RAB3C: variants seen among roughly 807,000 people sequenced by gnomAD.
The protein encoded by RAB3C is ras-related protein Rab-3C.
Under a neutral mutation model 26.4 loss-of-function variants are expected in RAB3C, and 17 were observed. That is an observed-to-expected ratio of 0.64 (90% CI 0.44 to 0.97). RAB3C has a LOEUF of 0.97. Ranked by LOEUF, RAB3C falls within the 50% of genes least tolerant of loss-of-function variation. The probability of loss-of-function intolerance (pLI) is 0.00; values close to 1 mark genes in which losing one functional copy is unlikely to be tolerated. For synonymous variants in RAB3C, 91 were observed against 95.9 expected (o/e 0.95, Z 0.30); for missense variants, 242 against 281.9 (o/e 0.86, Z 1.01).
At position 58,778,512 on chromosome 5, in the gene RAB3C, G is replaced by A. The variant is rs562645098; in HGVS notation, c.372-46526G>A. ...AAAGCTGTGAATCTCAACTAATCCA[G>A]TGCTGCATGAGTTGAAACAGTGGAT... On this transcript the variant is annotated intron_variant, in intron 3 of 4. Transcript: ENST00000282878. Among the ~76,000 whole-genome samples the A allele has an allele frequency of 6.6e-5, 10 of 152,260 alleles. 1 individual carries two copies. In the South Asian group the frequency reaches 2.1e-3, roughly 32 times the overall value.
At chr5:58,845,612 A>ATATATATATATATGTGTGTGTGTG in intron 4 of RAB3C, among the ~76,000 whole-genome samples, 2,376 of 80,538 alleles carry the variant, frequency 0.03, 78 homozygotes, top group Admixed American at 0.048. Flanking sequence ...ATATATATAT[A>ATATATATATATATGTGTGTGTGTG]TGTGTGTGTG....
At chr5:58,706,865 C>A (rs1052762206) in intron 2 of RAB3C, among the ~76,000 whole-genome samples, 3 of 152,130 alleles carry the variant, frequency 2.0e-5, no homozygotes, top group Admixed American at 6.6e-5. Context: ...TCATTTTTAC[C>A]GTTGAGACAA....
At chr5:58,818,572 G>T (rs1308588432) in intron 3 of RAB3C, among the ~76,000 whole-genome samples, 2 of 152,192 alleles carry the variant, frequency 1.3e-5, no homozygotes, top group African/African-American at 2.4e-5. Flanking sequence ...ATCTGGCACT[G>T]GTAAGGTCTG....
intron 3 of RAB3C, among the ~76,000 whole-genome samples, chr5:58,780,497 C>A (rs1742248093): frequency 6.6e-6 from 1 of 152,074 alleles, no homozygotes; most frequent in African/African-American, 2.4e-5. Context: ...GGTCTGGATC[C>A]TTCTTTCTAA....
chr5:58,780,714 T>C (rs1742252372), intron 3 of RAB3C, among the ~76,000 whole-genome samples: 1 of 152,120 alleles, frequency 6.6e-6, no homozygotes, highest in Non-Finnish European at 1.5e-5. Flanking sequence ...GGTGAGCCTA[T>C]GTCTGTTTCA....
intron 3 of RAB3C, among the ~76,000 whole-genome samples, chr5:58,761,650 A>G (rs1443370429): frequency 2.0e-5 from 3 of 152,172 alleles, no homozygotes; most frequent in Non-Finnish European, 2.9e-5. Flanking sequence ...ACACACATGT[A>G]CACACTCACT....
chr5:58,636,738 T>C (rs1747297191), intron 2 of RAB3C, among the ~76,000 whole-genome samples: 1 of 152,164 alleles, frequency 6.6e-6, no homozygotes, highest in Admixed American at 6.5e-5. Context: ...CTTGGAATTG[T>C]CTCCTTTTCG....
At chr5:58,611,261 G>GGGTCTAATGGCATTTCTGTTTTTA (rs141004980) in intron 1 of RAB3C, among the ~76,000 whole-genome samples, 9,614 of 152,040 alleles carry the variant, frequency 0.063, 362 homozygotes, top group East Asian at 0.17. Flanking sequence ...TGAGATCGCT[G>GGGTCTAATGGCATTTCTGTTTTTA]GGTCTAATGG....
At chr5:58,719,304 TTTAAATGTAAG>T in intron 2 of RAB3C, among the ~76,000 whole-genome samples, 1 of 152,204 alleles carries the variant, frequency 6.6e-6, no homozygotes, top group Non-Finnish European at 1.5e-5. Context: ...TTTCATTTAA[TTTAAATGTAAG>T]TTAAATGTAG....
intron 2 of RAB3C, among the ~76,000 whole-genome samples, chr5:58,675,752 T>C (rs758146984): frequency 6.6e-6 from 1 of 152,022 alleles, no homozygotes; most frequent in South Asian, 2.1e-4. Flanking sequence ...AGATTTCTAT[T>C]AAAAATGTTT....
chr5:58,712,586 G>C (rs527672562), intron 2 of RAB3C, among the ~76,000 whole-genome samples: 65 of 152,122 alleles, frequency 4.3e-4, no homozygotes, highest in Non-Finnish European at 6.9e-4. Context: ...GTTCAGTGGA[G>C]CGATCTTGGC....
intron 3 of RAB3C, among the ~76,000 whole-genome samples, chr5:58,734,913 C>T (rs1741102502): frequency 6.6e-6 from 1 of 152,222 alleles, no homozygotes; most frequent in South Asian, 2.1e-4. Context: ...GGCTGTTGTC[C>T]TGCAAGCCTC....
At chr5:58,751,678 G>A (rs1489087893) in intron 3 of RAB3C, among the ~76,000 whole-genome samples, 2 of 152,174 alleles carry the variant, frequency 1.3e-5, no homozygotes, top group Non-Finnish European at 2.9e-5. Context: ...ACTGTTTAGT[G>A]GTAACGACTT....
chr5:58,703,917 A>G (rs921581267), intron 2 of RAB3C, among the ~76,000 whole-genome samples: 2 of 152,232 alleles, frequency 1.3e-5, no homozygotes, highest in African/African-American at 4.8e-5. Context: ...GCTTAACCTC[A>G]GGAGTCTTTA....
At position 58,583,203 on chromosome 5, in the gene RAB3C, C is replaced by A; in HGVS notation, c.-6C>A. The A allele has an allele frequency of 6.2e-7, 1 of 1,614,184 alleles. No individual in the cohort carries two copies. ...CCTAGCCAGAGAGAAAGGACATTTG[C>A]CAACAATGAGACACGAAGCGCCCAT... is the stretch of plus-strand genomic sequence containing the variant. On this transcript the variant is annotated 5_prime_UTR_variant, in exon 1 of 5. Coordinates refer to ENST00000282878, the MANE Select transcript of RAB3C (RefSeq NM_138453.4).
At chr5:58,832,214 G>A (rs910526050) in intron 4 of RAB3C, among the ~76,000 whole-genome samples, 1 of 152,166 alleles carries the variant, frequency 6.6e-6, no homozygotes, top group Non-Finnish European at 1.5e-5. Flanking sequence ...TTTACAGAAG[G>A]CTATTGGGGA....
At chr5:58,824,313 T>C (rs1743423983) in intron 3 of RAB3C, among the ~76,000 whole-genome samples, 1 of 145,396 alleles carries the variant, frequency 6.9e-6, no homozygotes, top group Non-Finnish European at 1.5e-5. Context: ...TTATTACATT[T>C]ATTATCTAAG....
chr5:58,771,714 A>C (rs921454038), intron 3 of RAB3C, among the ~76,000 whole-genome samples: 32 of 152,154 alleles, frequency 2.1e-4, no homozygotes, highest in African/African-American at 7.2e-4. Context: ...TAGTTACACA[A>C]GTCTCCAGAG....
chr5:58,643,288 A>T (rs990880138), intron 2 of RAB3C, among the ~76,000 whole-genome samples: 3 of 152,142 alleles, frequency 2.0e-5, no homozygotes, highest in Admixed American at 2.0e-4. Context: ...CTGAAAGAAC[A>T]TTGTCCTTTT....
Sources: gnomAD v4.1 joint callset for allele counts (sites outside exome capture counted in the v4.1 genomes callset) on GRCh38, gnomAD v4.1.1 for gene constraint, MANE v1.5 for transcripts, NCBI Gene and HGNC (gene_info 2026-07-23, HGNC 2026-07-21) for gene names.